The following LTBP1 variants were observed in gnomAD, a reference collection of about 807,000 sequenced individuals.
LTBP1 encodes latent-transforming growth factor beta-binding protein 1.
Under a neutral mutation model 207.6 loss-of-function variants are expected in LTBP1, and 129 were observed. The ratio of observed to expected loss-of-function variants is 0.62; its 90% CI spans 0.54 to 0.72. The LOEUF (loss-of-function observed/expected upper bound fraction) is 0.72. LTBP1 is among the 30% of genes least tolerant of loss of function. The pLI, the probability that LTBP1 is intolerant of heterozygous loss-of-function variation, is 0.00. For missense variants in LTBP1, 2,281 were observed against 2,217.2 expected (o/e 1.03, Z -0.58); for synonymous variants, 963 against 833.7 (o/e 1.16, Z -2.67).
intron 3 of LTBP1, among the ~76,000 whole-genome samples, chr2:33,059,791 G>A (rs2077178559): frequency 6.6e-6 from 1 of 152,126 alleles, no homozygotes; most frequent in Admixed American, 6.6e-5. Context: ...GAAATTTTGA[G>A]CATAAAAGCT....
At chr2:33,183,716 C>G (rs901860187) in intron 5 of LTBP1, among the ~76,000 whole-genome samples, 5 of 152,196 alleles carry the variant, frequency 3.3e-5, no homozygotes, top group Non-Finnish European at 7.3e-5. Flanking sequence ...CCATTACACA[C>G]TGAGCCTGTC....
chr2:32,959,302 G>C (rs1678606485), intron 2 of LTBP1, among the ~76,000 whole-genome samples: 1 of 151,974 alleles, frequency 6.6e-6, no homozygotes. Context: ...AAAACCGAGT[G>C]GCTGGAGGCG....
At chr2:33,216,907 C>G (rs766101075) in intron 7 of LTBP1, among the ~76,000 whole-genome samples, 8 of 152,194 alleles carry the variant, frequency 5.3e-5, no homozygotes, top group Non-Finnish European at 2.9e-5. Context: ...CCTCTAAGTC[C>G]TACTCTTCTG....
rs79697920 is a variant in LTBP1, at chr2:33,119,976, C to T, written c.1033+9225C>T. 7.9e-3 allele frequency among the ~76,000 whole-genome samples: 1,199 copies of T among 152,278 alleles called. 19 individuals are homozygous for T. The highest frequency in any genetic ancestry group is 0.028 in the African/African-American group (1,158 of 41,550). ...ATATCTCCTGAATATTAACCCTACT[C>T]TGGCTGCCCTAATTTCTTTTCATTC... is the stretch of plus-strand genomic sequence containing the variant. On this transcript the variant is annotated intron_variant, in intron 4 of 33. Transcript: ENST00000404816.
chr2:33,067,357 A>G (rs575913833), intron 3 of LTBP1, among the ~76,000 whole-genome samples: 1 of 152,348 alleles, frequency 6.6e-6, no homozygotes, highest in Admixed American at 6.5e-5. Context: ...GCCACCTAAC[A>G]TTGTTTTAAT....
chr2:33,042,149 ATCT>A (rs1198533811), intron 3 of LTBP1, among the ~76,000 whole-genome samples: 1 of 152,132 alleles, frequency 6.6e-6, no homozygotes, highest in African/African-American at 2.4e-5. Context: ...CCATCCATAG[ATCT>A]TCTTTGGTGA....
rs1171052422 is a variant in LTBP1 at position 33,004,788 on chromosome 2, T to TATATATATGA, written c.566-16113_566-16112insGAATATATAT. On this transcript the variant is annotated intron_variant, in intron 2 of 33. Transcript: ENST00000404816. ...AGCCTCAGTCTCAAAAAAAAAGGAATATATATATATATATATATATATATA... is the reference window on the plus strand; with the variant it reads ...AGCCTCAGTCTCAAAAAAAAAGGAATATATATATGAATATATATATATATATATATATATA... Among the ~76,000 whole-genome samples, 32 of 52,070 alleles carry TATATATATGA rather than the reference T, an allele frequency of 6.1e-4. 1 individual carries two copies. The highest frequency in any genetic ancestry group is 2.0e-3 in the African/African-American group (31 of 15,280). The allele number at this position is 52,070 out of a possible 152,430, so 34.2% of individuals were successfully genotyped here. A position where few individuals can be genotyped will look rare whatever the true frequency, so the allele number is the denominator to read the frequency against.
chr2:33,351,452 A>G (rs942752872), intron 26 of LTBP1, among the ~76,000 whole-genome samples: 2 of 152,264 alleles, frequency 1.3e-5, no homozygotes, highest in Admixed American at 6.5e-5. Flanking sequence ...TTATTAAGAT[A>G]ATACACATTA....
chr2:33,137,842 A>T (rs543335473), intron 5 of LTBP1, among the ~76,000 whole-genome samples: 100 of 152,274 alleles, frequency 6.6e-4, no homozygotes, highest in African/African-American at 2.3e-3. Flanking sequence ...TATGCCTAGA[A>T]CCTAGATATC....
intron 28 of LTBP1, among the ~76,000 whole-genome samples, chr2:33,361,975 G>A (rs1376126544): frequency 6.6e-6 from 1 of 152,078 alleles, no homozygotes; most frequent in East Asian, 1.9e-4. Context: ...CTGTTGTGGG[G>A]CCTTTTACCA....
chr2:33,171,188 C>T (rs1343936686), intron 5 of LTBP1, among the ~76,000 whole-genome samples: 7 of 126,708 alleles, frequency 5.5e-5, no homozygotes, highest in Non-Finnish European at 8.8e-5. Flanking sequence ...GAGAAGAAGG[C>T]TTCAGACGAT....
intron 9 of LTBP1, among the ~76,000 whole-genome samples, chr2:33,238,241 G>A (rs765078146): frequency 6.6e-6 from 1 of 152,148 alleles, no homozygotes; most frequent in Non-Finnish European, 1.5e-5. Context: ...TTTTCACACA[G>A]TAGAAAGATG....
intron 3 of LTBP1, among the ~76,000 whole-genome samples, chr2:33,083,093 C>G (rs1299545190): frequency 2.6e-5 from 4 of 151,900 alleles, no homozygotes; most frequent in Non-Finnish European, 5.9e-5. Context: ...AGAAACCCAT[C>G]TCTTCTCCGT....
chr2:33,156,486 A>G (rs537166414), intron 5 of LTBP1, among the ~76,000 whole-genome samples: 4 of 152,300 alleles, frequency 2.6e-5, no homozygotes, highest in South Asian at 4.1e-4. Flanking sequence ...TACTTGTGCA[A>G]CTATTTCCTC....
chr2:33,153,051 C>T (rs1002144546), intron 5 of LTBP1, among the ~76,000 whole-genome samples: 9 of 152,156 alleles, frequency 5.9e-5, no homozygotes, highest in African/African-American at 1.9e-4. Context: ...AACATATCTA[C>T]GCAGAGAATG....
At chr2:33,189,703 G>T (rs1220526075) in intron 7 of LTBP1, among the ~76,000 whole-genome samples, 1 of 152,210 alleles carries the variant, frequency 6.6e-6, no homozygotes, top group Non-Finnish European at 1.5e-5. Context: ...TTGACAGGAA[G>T]TAATATTTCA....
intron 32 of LTBP1, among the ~76,000 whole-genome samples, chr2:33,391,637 G>A (rs1436906487): frequency 6.6e-6 from 1 of 152,138 alleles, no homozygotes; most frequent in East Asian, 1.9e-4. Context: ...TGAAACCTCA[G>A]TAACCCCAGG....
chr2:33,381,982 G>C (rs72861455), intron 31 of LTBP1, among the ~76,000 whole-genome samples: 1 of 150,662 alleles, frequency 6.6e-6, no homozygotes, highest in Non-Finnish European at 1.5e-5. Flanking sequence ...GTAGTGTCTG[G>C]TGCGTAGGAA....
chr2:32,951,484 C>A (rs1413355907), intron 2 of LTBP1, among the ~76,000 whole-genome samples: 1 of 152,180 alleles, frequency 6.6e-6, no homozygotes, highest in Non-Finnish European at 1.5e-5. Context: ...GATGGGACCA[C>A]TGGGGCTCCT....
Sources: allele counts gnomAD v4.1 joint callset (sites outside exome capture counted in the v4.1 genomes callset), GRCh38; gene constraint gnomAD v4.1.1; transcripts MANE v1.5; gene names NCBI Gene and HGNC (gene_info 2026-07-23, HGNC 2026-07-21).